The following JAK1 variants were observed in gnomAD, a reference collection of about 807,000 sequenced individuals.
JAK1 encodes the protein Janus kinase 1.
Under a neutral mutation model 136.6 loss-of-function variants are expected in JAK1, and 16 were observed. The observed-to-expected ratio is 0.12, with a 90% CI of 0.08 to 0.18. The LOEUF (loss-of-function observed/expected upper bound fraction) is 0.18, where lower values mean the gene tolerates loss of function less well. Ranked by LOEUF, JAK1 falls within the 10% of genes least tolerant of loss-of-function variation. The pLI is 1.00. For synonymous variants in JAK1, 492 were observed against 519.5 expected, an observed-to-expected ratio of 0.95 and a Z score of 0.72; for missense variants, 859 against 1,450.1, an observed-to-expected ratio of 0.59 and a Z score of 6.62.
intron 3 of JAK1, among the ~76,000 whole-genome samples, chr1:64,879,621 AT>A (rs1644738602): frequency 6.6e-6 from 1 of 152,190 alleles, no homozygotes; most frequent in Admixed American, 6.5e-5. Flanking sequence ...ATGCAAACAA[AT>A]TCCTGGCAGT....
At chr1:64,854,605 T>A (rs1655803935) in intron 11 of JAK1, among the ~76,000 whole-genome samples, 1 of 152,054 alleles carries the variant, frequency 6.6e-6, no homozygotes, top group African/African-American at 2.4e-5. Flanking sequence ...GTCCTCACAT[T>A]CTAAGAGACA....
At chr1:64,859,372 A>G (rs1318358862) in intron 9 of JAK1, among the ~76,000 whole-genome samples, 3 of 152,250 alleles carry the variant, frequency 2.0e-5, no homozygotes, top group South Asian at 2.1e-4. Flanking sequence ...CTACAGCTCC[A>G]TATCAGAAAG....
chr1:64,939,265 A>T (rs1645845088), intron 1 of JAK1, among the ~76,000 whole-genome samples: 1 of 152,252 alleles, frequency 6.6e-6, no homozygotes, highest in African/African-American at 2.4e-5. Flanking sequence ...CTAGGCATGA[A>T]CATATACATA....
At position 65,053,049 on chromosome 1, in the gene JAK1, A is replaced by AG. The variant is rs1232062290; in HGVS notation, c.-180-8468_-180-8467insC. On this transcript the variant is annotated intron_variant, in intron 1 of 25. Coordinates refer to the JAK1 transcript ENST00000671954. ...TTGTCTCAAAAAAAAAAAAAAAAAA[A>AG]AAAAAAAGACTAGAGGCTGGGCACA... Among the ~76,000 whole-genome samples, 539 of 138,398 alleles carry AG rather than the reference A, an allele frequency of 3.9e-3. 17 individuals carry two copies. Among genetic ancestry groups the AG allele is most frequent in the South Asian group, 0.012 (53 of 4,292 alleles). The allele number at this position is 138,398 out of a possible 152,430, so 90.8% of individuals were successfully genotyped here.
At chr1:64,851,547 CGCTT>C (rs1557633492) in intron 11 of JAK1, among the ~76,000 whole-genome samples, 1 of 152,180 alleles carries the variant, frequency 6.6e-6, no homozygotes, top group Admixed American at 6.5e-5. Flanking sequence ...CATGGAGAGG[CGCTT>C]ACCAAATGCC....
intron 1 of JAK1, among the ~76,000 whole-genome samples, chr1:64,960,156 A>G (rs1646256676): frequency 6.6e-6 from 1 of 152,186 alleles, no homozygotes. Flanking sequence ...TGAGCCCAGA[A>G]GGTCAACGCT....
At chr1:65,036,933 T>G (rs1394607497) in intron 2 of JAK1, among the ~76,000 whole-genome samples, 1 of 152,194 alleles carries the variant, frequency 6.6e-6, no homozygotes, top group Non-Finnish European at 1.5e-5. Flanking sequence ...ATGCCTATAA[T>G]CCCAACATTT....
At chr1:65,016,104 A>G (rs1234423655) in intron 2 of JAK1, among the ~76,000 whole-genome samples, 1 of 152,204 alleles carries the variant, frequency 6.6e-6, no homozygotes, top group Non-Finnish European at 1.5e-5. Context: ...AAGGACAAAT[A>G]TTGTATAACT....
At chr1:64,890,317 G>A (rs1304773191) in intron 1 of JAK1, among the ~76,000 whole-genome samples, 4 of 151,274 alleles carry the variant, frequency 2.6e-5, no homozygotes, top group East Asian at 1.9e-4. Flanking sequence ...AAGTATGTTC[G>A]GTAACAGCTG....
At chr1:65,062,294 C>T (rs1042152179) in intron 1 of JAK1, among the ~76,000 whole-genome samples, 4 of 152,114 alleles carry the variant, frequency 2.6e-5, no homozygotes, top group African/African-American at 9.7e-5. Context: ...CCACTCTCAC[C>T]CCCCGGATTT....
At chr1:64,873,889 G>T (rs972444446) in intron 4 of JAK1, among the ~76,000 whole-genome samples, 1 of 152,144 alleles carries the variant, frequency 6.6e-6, no homozygotes, top group Non-Finnish European at 1.5e-5. Flanking sequence ...ATTCTACCTC[G>T]AATCCAAGAC....
intron 2 of JAK1, chr1:64,990,627 A>G (rs1000650933): frequency 6.6e-6 from 1 of 152,132 alleles, no homozygotes; most frequent in Non-Finnish European, 1.5e-5. Flanking sequence ...ATACTTCAAT[A>G]AAAGAAAATA....
chr1:65,055,297 T>G (rs1420087444), intron 1 of JAK1, among the ~76,000 whole-genome samples: 1 of 152,222 alleles, frequency 6.6e-6, no homozygotes, highest in Non-Finnish European at 1.5e-5. Flanking sequence ...GCATGGTATC[T>G]TCAAGGTTCA....
intron 17 of JAK1, among the ~76,000 whole-genome samples, chr1:64,843,196 C>A (rs903483809): frequency 2.0e-5 from 3 of 152,098 alleles, no homozygotes; most frequent in Non-Finnish European, 4.4e-5. Context: ...TTCCTTTCCC[C>A]ACTCCAGACA....
At chr1:64,860,999 G>T (rs1656298797) in intron 8 of JAK1, among the ~76,000 whole-genome samples, 1 of 149,720 alleles carries the variant, frequency 6.7e-6, no homozygotes, top group East Asian at 2.0e-4. Flanking sequence ...GACGCGGTGG[G>T]GGAGGCTGTG....
intron 2 of JAK1, among the ~76,000 whole-genome samples, chr1:65,017,597 T>G (rs1002856072): frequency 6.6e-6 from 1 of 152,176 alleles, no homozygotes; most frequent in African/African-American, 2.4e-5. Flanking sequence ...ACACAGAATA[T>G]TTCAAAAATG....
chr1:65,001,477 G>C (rs954676918), intron 2 of JAK1, among the ~76,000 whole-genome samples: 1 of 152,178 alleles, frequency 6.6e-6, no homozygotes, highest in Admixed American at 6.5e-5. Context: ...GCCAACGCTC[G>C]GAGGAAGTCA....
chr1:65,058,477 A>T (rs548109012), intron 1 of JAK1: 6 of 533,916 alleles, frequency 1.1e-5, no homozygotes, highest in Non-Finnish European at 1.9e-5. Flanking sequence ...TAGAATAGAC[A>T]GCATCAGCAC....
chr1:64,860,929 C>CGTGTGTGTGT lies in JAK1; in HGVS notation c.1177-677_1177-668dup, dbSNP rs577274261. On this transcript the variant is annotated intron_variant, in intron 8 of 24. Coordinates refer to ENST00000342505, the MANE Select transcript of JAK1 (RefSeq NM_002227.4). The stretch of plus-strand genomic sequence containing the variant: ...ATGCAGAGAAGCTGTCCCCTGGGTC[C>CGTGTGTGTGT]GTGTGTGTGTGTGTGTGTGTGTGTG... 4.0e-3 allele frequency among the ~76,000 whole-genome samples: 194 copies of CGTGTGTGTGT among 48,420 alleles called. 16 individuals are homozygous for CGTGTGTGTGT. Among genetic ancestry groups the CGTGTGTGTGT allele is most frequent in the African/African-American group, 5.7e-3 (57 of 9,942 alleles). 31.8% of individuals were successfully genotyped at this position (48,420 alleles called of 152,430 possible).
Sources: allele counts gnomAD v4.1 joint callset (sites outside exome capture counted in the v4.1 genomes callset), GRCh38; gene constraint gnomAD v4.1.1; transcripts MANE v1.5; gene names NCBI Gene and HGNC (gene_info 2026-07-23, HGNC 2026-07-21).